Variants in RGS7BP observed in about 807,000 individuals in gnomAD.
RGS7BP encodes regulator of G protein signaling 7-binding protein.
RGS7BP carries 9 observed loss-of-function variants against 31.3 expected under a neutral mutation model. That is an observed-to-expected ratio of 0.29 (90% CI 0.17 to 0.50). RGS7BP has a LOEUF of 0.50. Ranked by LOEUF, RGS7BP falls within the 20% of genes least tolerant of loss-of-function variation. The pLI is 0.98. For missense variants in RGS7BP, 274 were observed against 322.0 expected (o/e 0.85, Z 1.14); for synonymous variants, 115 against 120.1 (o/e 0.96, Z 0.28).
At chr5:64,606,674 G>C (rs932943518) in intron 5 of RGS7BP, among the ~76,000 whole-genome samples, 1 of 152,056 alleles carries the variant, frequency 6.6e-6, no homozygotes, top group East Asian at 1.9e-4. Flanking sequence ...AAAGAAGTAA[G>C]AGTCCTAAAA....
intron 2 of RGS7BP, among the ~76,000 whole-genome samples, chr5:64,558,747 T>C (rs927246820): frequency 6.6e-6 from 1 of 152,150 alleles, no homozygotes; most frequent in Admixed American, 6.6e-5. Flanking sequence ...ACTGAATTCT[T>C]TCCCCAGTAA....
At chr5:64,534,171 G>C (rs1033457741) in intron 2 of RGS7BP, among the ~76,000 whole-genome samples, 6 of 152,148 alleles carry the variant, frequency 3.9e-5, no homozygotes, top group African/African-American at 1.4e-4. Context: ...ATCTGGGGCA[G>C]AGCATGCCAG....
intron 2 of RGS7BP, among the ~76,000 whole-genome samples, chr5:64,552,501 C>T (rs1741820483): frequency 6.6e-6 from 1 of 152,094 alleles, no homozygotes; most frequent in East Asian, 1.9e-4. Context: ...GTACTAATTT[C>T]TCAACAAAGG....
At chr5:64,603,157 AG>A (rs1480948629) in intron 5 of RGS7BP, among the ~76,000 whole-genome samples, 1 of 152,194 alleles carries the variant, frequency 6.6e-6, no homozygotes, top group Non-Finnish European at 1.5e-5. Flanking sequence ...GCAGTCATCC[AG>A]GTGAGAAATG....
At chr5:64,526,629 T>C (rs1379412295) in intron 2 of RGS7BP, among the ~76,000 whole-genome samples, 1 of 152,142 alleles carries the variant, frequency 6.6e-6, no homozygotes, top group Non-Finnish European at 1.5e-5. Context: ...CAAGTCCTAG[T>C]CCGACTGATA....
intron 3 of RGS7BP, among the ~76,000 whole-genome samples, chr5:64,585,697 A>G (rs1742729168): frequency 2.0e-5 from 3 of 152,150 alleles, no homozygotes; most frequent in African/African-American, 7.2e-5. Context: ...CCAACCTTTC[A>G]ATTTGTTATG....
In RGS7BP at chr5:64,609,333, A is replaced by G. The variant is rs1355300149; in HGVS notation, c.*81A>G. The G allele has an allele frequency of 3.7e-6, 3 of 807,658 alleles. No homozygotes were observed. Among genetic ancestry groups the G allele is most frequent in the East Asian group, 2.4e-5 (1 of 40,860 alleles). The allele number at this position is 807,658 out of a possible 1,614,324, so 50.0% of individuals were successfully genotyped here. A position where few individuals can be genotyped will look rare whatever the true frequency, so the allele number is the denominator to read the frequency against. ...GGACCTCCAGACAGCTGAACCACAC[A>G]GTTATTGGTTTTTGACTATGTTTTC... On this transcript the variant is annotated 3_prime_UTR_variant, in exon 6 of 6. Transcript: ENST00000334025.
chr5:64,544,540 G>A (rs1198072401), intron 2 of RGS7BP, among the ~76,000 whole-genome samples: 1 of 151,704 alleles, frequency 6.6e-6, no homozygotes, highest in African/African-American at 2.4e-5. Flanking sequence ...CAAGGGTAGT[G>A]GTGCATGCCT....
chr5:64,543,024 CT>C (rs988048694), intron 2 of RGS7BP, among the ~76,000 whole-genome samples: 2 of 152,092 alleles, frequency 1.3e-5, no homozygotes, highest in African/African-American at 4.8e-5. Context: ...ATATCTCCAT[CT>C]TGAAAATGGC....
intron 3 of RGS7BP, among the ~76,000 whole-genome samples, chr5:64,576,414 A>C (rs1165006694): frequency 6.6e-6 from 1 of 152,216 alleles, no homozygotes; most frequent in Non-Finnish European, 1.5e-5. Context: ...GAGGTTAGTC[A>C]TGGCTTCAGC....
At chr5:64,527,124 G>A (rs1749250400) in intron 2 of RGS7BP, among the ~76,000 whole-genome samples, 1 of 152,186 alleles carries the variant, frequency 6.6e-6, no homozygotes, top group Non-Finnish European at 1.5e-5. Context: ...ATAATTATAG[G>A]ATGTTTTGAG....
At chr5:64,530,240 A>AG (rs562401653) in intron 2 of RGS7BP, among the ~76,000 whole-genome samples, 48 of 152,352 alleles carry the variant, frequency 3.2e-4, no homozygotes, top group African/African-American at 1.2e-3. Flanking sequence ...GTAATGACAT[A>AG]GGGGCCTTTT....
chr5:64,533,280 G>A (rs551804606), intron 2 of RGS7BP, among the ~76,000 whole-genome samples: 2 of 152,180 alleles, frequency 1.3e-5, no homozygotes, highest in Admixed American at 1.3e-4. Context: ...AACTCAGCCA[G>A]AATGAGTTAG....
At chr5:64,575,689 AT>A in intron 2 of RGS7BP, 84 bp from the exon 3 acceptor site, 1 of 1,499,292 alleles carries the variant, frequency 6.7e-7, no homozygotes. Flanking sequence ...TTTATTGAGC[AT>A]TTTTCCCTCT....
chr5:64,578,489 C>A lies in RGS7BP; in HGVS notation c.463+2585C>A, dbSNP rs1054348659. On this transcript the variant is annotated intron_variant, in intron 3 of 5. Transcript: ENST00000334025. ...ATCCAAGGACCTACTGAATTCAAAT[C>A]TCTGAGGGCACTCCAGGTGATTCTG... Among the ~76,000 whole-genome samples, 3 of 152,190 alleles carry A rather than the reference C, an allele frequency of 2.0e-5. No individual in the cohort carries two copies. In the South Asian group the frequency reaches 6.2e-4, roughly 32 times the overall value.
At chr5:64,531,033 A>G (rs1749357920) in intron 2 of RGS7BP, among the ~76,000 whole-genome samples, 1 of 151,958 alleles carries the variant, frequency 6.6e-6, no homozygotes. Context: ...TGGGTCAAAC[A>G]CTCCAGCTTC....
At chr5:64,526,206 G>A (rs760632743) in intron 2 of RGS7BP, among the ~76,000 whole-genome samples, 7 of 152,182 alleles carry the variant, frequency 4.6e-5, no homozygotes, top group Non-Finnish European at 7.3e-5. Context: ...AAACAGGAGG[G>A]GCAAGGAAAA....
chr5:64,594,884 C>T (rs1561348194), intron 4 of RGS7BP, 27 bp downstream of exon 4: 2 of 1,609,668 alleles, frequency 1.2e-6, no homozygotes, highest in Non-Finnish European at 1.7e-6. Context: ...CCTGAATAGA[C>T]TGCCAATCCT....
intron 2 of RGS7BP, among the ~76,000 whole-genome samples, chr5:64,563,792 A>C (rs1742107617): frequency 6.6e-6 from 1 of 152,186 alleles, no homozygotes; most frequent in Non-Finnish European, 1.5e-5. Flanking sequence ...TTTATTTTGA[A>C]ACTAAAAGGA....
Sources: gnomAD v4.1 joint callset for allele counts (sites outside exome capture counted in the v4.1 genomes callset) on GRCh38, gnomAD v4.1.1 for gene constraint, MANE v1.5 for transcripts, NCBI Gene and HGNC (gene_info 2026-07-23, HGNC 2026-07-21) for gene names.